Variants in GARIN2 observed in about 807,000 individuals in gnomAD.
GARIN2 encodes the protein golgi associated RAB2 interactor family member 2, also known as Golgi-associated RAB2 interactor protein 2.
the GARIN2 span, among the ~76,000 whole-genome samples, chr14:67,192,909 T>G: frequency 6.8e-6 from 1 of 146,566 alleles, no homozygotes; most frequent in Non-Finnish European, 1.5e-5. Context: ...TCTAGATATA[T>G]ATAGATATAT....
the GARIN2 span, chr14:67,204,456 A>AAT: frequency 3.4e-3 from 4,567 of 1,330,782 alleles, 60 homozygotes; most frequent in Admixed American, 0.058. Flanking sequence ...CAAACAAACA[A>AAT]ATATATATAT....
chr14:67,199,379 C>T, the GARIN2 span: 2 of 1,613,900 alleles, frequency 1.2e-6, no homozygotes, highest in Non-Finnish European at 1.7e-6. Context: ...CAATGGGAAC[C>T]TGGACCCTGA....
At chr14:67,199,246 G>C in the GARIN2 span, 1 of 1,600,010 alleles carries the variant, frequency 6.2e-7, no homozygotes, top group African/African-American at 1.3e-5. Context: ...GTGAATTCTT[G>C]AGTGAGGATG....
chr14:67,224,259 CTT>C, the GARIN2 span, among the ~76,000 whole-genome samples: 14,123 of 134,486 alleles, frequency 0.11, 1,347 homozygotes, highest in African/African-American at 0.3. Context: ...TCTCTCTTTT[CTT>C]TTTTTTTTTT....
At chr14:67,213,129 C>A in the GARIN2 span, among the ~76,000 whole-genome samples, 1 of 146,712 alleles carries the variant, frequency 6.8e-6, no homozygotes, top group East Asian at 2.0e-4. Context: ...GATAGCTGTT[C>A]TGCATGTAGA....
At chr14:67,204,846 A>G in the GARIN2 span, 1 of 1,614,026 alleles carries the variant, frequency 6.2e-7, no homozygotes, top group East Asian at 2.2e-5. Flanking sequence ...ATGCAGGTAC[A>G]GGCCCTGAAC....
the GARIN2 span, chr14:67,199,650 C>T: frequency 5.1e-6 from 8 of 1,577,954 alleles, no homozygotes; most frequent in South Asian, 8.9e-5. Context: ...CTTCTGGCAG[C>T]TCAGAACCCG....
the GARIN2 span, chr14:67,196,931 CT>C: frequency 6.6e-6 from 1 of 151,558 alleles, no homozygotes; most frequent in Non-Finnish European, 1.5e-5. Flanking sequence ...CAAATTAGTG[CT>C]TTTTTTTTCT....
At chr14:67,207,241 G>A in the GARIN2 span, among the ~76,000 whole-genome samples, 1 of 152,080 alleles carries the variant, frequency 6.6e-6, no homozygotes, top group East Asian at 1.9e-4. Flanking sequence ...GGTAAAGGAA[G>A]CACAATGCTG....
chr14:67,189,524 C>T, the GARIN2 span: 4 of 152,114 alleles, frequency 2.6e-5, no homozygotes, highest in Non-Finnish European at 4.4e-5. Context: ...TTTTCCTAGT[C>T]GACATCCAGG....
the GARIN2 span, among the ~76,000 whole-genome samples, chr14:67,214,295 C>T: frequency 2.7e-4 from 41 of 152,172 alleles, no homozygotes; most frequent in African/African-American, 9.9e-4. Flanking sequence ...TTTTATGGTT[C>T]TAGGTCTAAC....
chr14:67,200,570 A>T, the GARIN2 span: 1 of 229,402 alleles, frequency 4.4e-6, no homozygotes, highest in African/African-American at 2.4e-5. Flanking sequence ...ATGTAAGGAG[A>T]CTTCATCTTC....
At chr14:67,227,025 A>G in the GARIN2 span, among the ~76,000 whole-genome samples, 1 of 152,226 alleles carries the variant, frequency 6.6e-6, no homozygotes, top group Non-Finnish European at 1.5e-5. Flanking sequence ...AATGATTTCA[A>G]TCCCTTGATG....
the GARIN2 span, among the ~76,000 whole-genome samples, chr14:67,217,440 A>G: frequency 6.6e-6 from 1 of 152,122 alleles, no homozygotes; most frequent in African/African-American, 2.4e-5. Context: ...AGACTTACTC[A>G]TGTCATTTTG....
At chr14:67,201,821 C>T in the GARIN2 span, 4 of 263,592 alleles carry the variant, frequency 1.5e-5, no homozygotes, top group South Asian at 7.7e-5. Flanking sequence ...AATTATCATA[C>T]AGCTGAGAAA....
the GARIN2 span, among the ~76,000 whole-genome samples, chr14:67,215,706 T>TA: frequency 6.6e-5 from 10 of 152,126 alleles, no homozygotes; most frequent in Non-Finnish European, 1.3e-4. Context: ...AAGGTTTATT[T>TA]AAAAAAACAA....
chr14:67,207,647 C>T, the GARIN2 span, among the ~76,000 whole-genome samples: 1 of 152,120 alleles, frequency 6.6e-6, no homozygotes, highest in Non-Finnish European at 1.5e-5. Context: ...GACCAACTGC[C>T]TTGAGCCCTA....
At chr14:67,213,095 G>GTT in the GARIN2 span, among the ~76,000 whole-genome samples, 7,269 of 135,610 alleles carry the variant, frequency 0.054, 364 homozygotes, top group African/African-American at 0.13. Context: ...ATTCTGTGGT[G>GTT]TTTTTTTTTT....
the GARIN2 span, among the ~76,000 whole-genome samples, chr14:67,205,413 A>G: frequency 2.6e-4 from 39 of 152,342 alleles, no homozygotes; most frequent in African/African-American, 7.7e-4. Flanking sequence ...CCCAAGTCAC[A>G]GAATCCACAT....
Sources: allele counts gnomAD v4.1 joint callset (sites outside exome capture counted in the v4.1 genomes callset), GRCh38; gene constraint gnomAD v4.1.1; transcripts MANE v1.5; gene names NCBI Gene and HGNC (gene_info 2026-07-23, HGNC 2026-07-21).